The following E2F7 variants were observed in gnomAD, a reference collection of about 807,000 sequenced individuals.
E2F7 encodes the protein E2F transcription factor 7, also known as transcription factor E2F7.
In E2F7, 35 loss-of-function variants were observed where a neutral mutation model predicts 81.1. The observed-to-expected ratio is 0.43, with a 90% confidence interval of 0.33 to 0.57. The LOEUF is 0.57. Among genes scored for constraint, E2F7 ranks in the 20% least tolerant of loss-of-function variants. The pLI is 0.04. For missense variants in E2F7, 961 were observed against 1,093.7 expected (o/e 0.88, Z 1.71); for synonymous variants, 416 against 416.2 (o/e 1.00, Z 0.01).
chr12:77,050,797 TG>T, intron 3 of E2F7, 53 bp from the exon 4 acceptor site: 1 of 1,581,996 alleles, frequency 6.3e-7, no homozygotes, highest in South Asian at 1.1e-5. Context: ...AACATCCTAA[TG>T]GAGAAATGGC....
intron 3 of E2F7, among the ~76,000 whole-genome samples, chr12:77,052,572 G>T (rs950410865): frequency 6.6e-6 from 1 of 152,112 alleles, no homozygotes; most frequent in African/African-American, 2.4e-5. Context: ...AGGATTTCAT[G>T]TAAAGCAAAT....
At position 77,030,018 on chromosome 12, in the gene E2F7, G is replaced by C. The variant is rs760545846; in HGVS notation, c.1697C>G (p.Ala566Gly). 1.2e-6 allele frequency: 2 copies of C among 1,614,020 alleles called. No homozygotes were observed. The highest frequency in any genetic ancestry group is 1.7e-5 in the Admixed American group (1 of 60,000). The change falls in exon 10 of 13, where the codon GCG becomes GGG. Residue 566 changes from alanine (A) to glycine (G), a missense_variant. This residue lies in a region of E2F7 where 587 missense variants were observed against 620.3 expected (regional missense o/e 0.95). Coordinates refer to ENST00000322886, the MANE Select transcript of E2F7 (RefSeq NM_203394.3). ...ATCCCTCTCTGACCCTGACCCTGACGCTGGTCCCTCCTGCAGACTTCCATA... is the reference window on the plus strand; with the variant it reads ...ATCCCTCTCTGACCCTGACCCTGACCCTGGTCCCTCCTGCAGACTTCCATA... ...MLYGSLQEGP[A>G]SGSGSERDDR...
chr12:77,053,090 A>C (rs771516138), intron 3 of E2F7, among the ~76,000 whole-genome samples: 1 of 152,174 alleles, frequency 6.6e-6, no homozygotes, highest in African/African-American at 2.4e-5. Flanking sequence ...TTTGGAAAGC[A>C]ATTTGGCATT....
chr12:77,028,859 T>C (rs1031340883), intron 10 of E2F7, among the ~76,000 whole-genome samples: 1 of 152,248 alleles, frequency 6.6e-6, no homozygotes, highest in Non-Finnish European at 1.5e-5. Flanking sequence ...GATTTGTGTA[T>C]GTCAGAGGTT....
intron 2 of E2F7, among the ~76,000 whole-genome samples, chr12:77,059,432 C>T (rs1036306545): frequency 1.3e-5 from 2 of 152,072 alleles, no homozygotes; most frequent in Non-Finnish European, 2.9e-5. Flanking sequence ...TCTGTCTGGG[C>T]CCAGATTTCC....
At chr12:77,050,941 TA>T (rs749716993) in intron 3 of E2F7, among the ~76,000 whole-genome samples, 197 bp from the exon 4 acceptor site, 11 of 152,278 alleles carry the variant, frequency 7.2e-5, no homozygotes, top group East Asian at 3.9e-4. Context: ...TTTTCTCCTT[TA>T]TAATTTGAGG....
rs1044530133 is a variant in E2F7 at position 77,060,549 on chromosome 12, C to A, written c.93+3994G>T. ...ATATTAGCTCTGGGCCATATTTAGC[C>A]AACTTCTTTTTCAGTTCCCTCTCAT... On this transcript the variant is annotated intron_variant, in intron 2 of 12. Transcript: ENST00000322886. Among the ~76,000 whole-genome samples, 11 of 152,056 alleles carry A rather than the reference C, an allele frequency of 7.2e-5. No homozygotes were observed. In the East Asian group the frequency reaches 2.1e-3, roughly 29 times the overall value.
intron 2 of E2F7, among the ~76,000 whole-genome samples, chr12:77,063,703 A>G (rs1955096129): frequency 6.6e-6 from 1 of 152,176 alleles, no homozygotes; most frequent in Non-Finnish European, 1.5e-5. Flanking sequence ...TCTATCCTAA[A>G]TTAGCAATTA....
At chr12:77,052,275 A>C (rs1472541604) in intron 3 of E2F7, among the ~76,000 whole-genome samples, 2 of 152,218 alleles carry the variant, frequency 1.3e-5, no homozygotes, top group Non-Finnish European at 2.9e-5. Context: ...CAAACAGCCC[A>C]GAGTAGCCCA....
rs1268842956 is a variant in E2F7, at chr12:77,065,515, C to G, written c.-171G>C. 2 of 152,342 alleles carry G rather than the reference C, an allele frequency of 1.3e-5. No individual in the cohort carries two copies. The highest frequency in any genetic ancestry group is 2.9e-5 in the Non-Finnish European group (2 of 68,156). The allele number at this position is 152,342 out of a possible 1,614,324, so 9.4% of individuals were successfully genotyped here. A position where few individuals can be genotyped will look rare whatever the true frequency, so the allele number is the denominator to read the frequency against. Reference sequence around the variant, plus strand: ...GGGCTGGCGGGGACCCCGCGGCGTCCGGGCAGCGCCAGCGCTCAGACCGGC... The same window carrying G: ...GGGCTGGCGGGGACCCCGCGGCGTCGGGGCAGCGCCAGCGCTCAGACCGGC... On this transcript the variant is annotated 5_prime_UTR_variant, in exon 1 of 13. Coordinates refer to ENST00000322886, the MANE Select transcript of E2F7 (RefSeq NM_203394.3).
intron 3 of E2F7, among the ~76,000 whole-genome samples, chr12:77,055,267 AAG>A (rs1194813398): frequency 2.0e-5 from 3 of 152,214 alleles, no homozygotes; most frequent in Non-Finnish European, 2.9e-5. Context: ...ATCCGCCAAA[AAG>A]AGAAAAATGG....
intron 3 of E2F7, 70 bp downstream of exon 3, chr12:77,055,785 T>C: frequency 1.3e-6 from 2 of 1,511,800 alleles, no homozygotes; most frequent in Admixed American, 2.3e-5. Context: ...TTGACAGTTC[T>C]ATGATTTTTT....
At chr12:77,035,983 A>ACT (rs377458867) in intron 7 of E2F7, among the ~76,000 whole-genome samples, 121,028 of 151,370 alleles carry the variant, frequency 0.8, 48,672 homozygotes, top group African/African-American at 0.83. Flanking sequence ...AAGAATATGA[A>ACT]TAAATGAATA....
At chr12:77,050,880 C>A in intron 3 of E2F7, 136 bp from the exon 4 acceptor site, 1 of 838,320 alleles carries the variant, frequency 1.2e-6, no homozygotes, top group South Asian at 2.1e-5. Context: ...AAATACATTT[C>A]CTAATCTAAT....
rs61759461 is a variant in E2F7 at position 77,046,228 on chromosome 12, G to T, written c.639C>A (p.His213Gln). Residue 213 changes from histidine to glutamine, a missense_variant, in exon 5 of 13, where the codon CAC (histidine) becomes CAA (glutamine). By Grantham distance (24) the His-to-Gln change is conservative. Around this residue, in one of 3 missense-constraint regions of E2F7, gnomAD observed 301 missense variants for 405.0 expected, o/e 0.74. Transcript: ENST00000322886. ...GGTTCCTCAGGGTTTTTGGCAGGCT[G>T]TGCCGTCCATGCCAGCCATACTGAT... is the stretch of plus-strand genomic sequence containing the variant. ...AKNQYGWHGR[H>Q]SLPKTLRNLQ... 6.2e-7 allele frequency: 1 copy of T among 1,614,048 alleles called. No homozygotes were observed. Among genetic ancestry groups the T allele is most frequent in the Admixed American group, 1.7e-5 (1 of 59,996 alleles).
intron 6 of E2F7, chr12:77,044,285 C>T (rs1954920235): frequency 2.2e-6 from 1 of 464,342 alleles, no homozygotes; most frequent in African/African-American, 2.0e-5. Context: ...GAAGAGTATG[C>T]AGGGGGTGGG....
At chr12:77,030,435 C>A in intron 9 of E2F7, 103 bp from the exon 10 acceptor site, 1 of 1,403,450 alleles carries the variant, frequency 7.1e-7, no homozygotes, top group Non-Finnish European at 9.5e-7. Flanking sequence ...AGATAATACT[C>A]CTCAGGCAGA....
chr12:77,035,735 A>G (rs1954843637), intron 7 of E2F7, among the ~76,000 whole-genome samples: 1 of 152,218 alleles, frequency 6.6e-6, no homozygotes, highest in Admixed American at 6.5e-5. Context: ...AGAAAAATCA[A>G]TTGAAATGGA....
chr12:77,056,963 T>C (rs1019300445), intron 2 of E2F7, among the ~76,000 whole-genome samples: 1 of 151,496 alleles, frequency 6.6e-6, no homozygotes, highest in African/African-American at 2.4e-5. Flanking sequence ...CATAATTCAC[T>C]ATAGCCTCAA....
Sources: gnomAD v4.1 joint callset for allele counts (sites outside exome capture counted in the v4.1 genomes callset) on GRCh38, gnomAD v4.1.1 for gene constraint, gnomAD v4.1.1 regional missense constraint, MANE v1.5 for transcripts, NCBI Gene and HGNC (gene_info 2026-07-23, HGNC 2026-07-21) for gene names.